Variants in GRM7 observed in about 807,000 individuals in gnomAD.
GRM7 encodes glutamate metabotropic receptor 7.
A neutral mutation model predicts 84.5 loss-of-function variants in GRM7; 35 were observed. That is an observed-to-expected ratio of 0.41 (90% CI 0.32 to 0.55). The LOEUF is 0.55. GRM7 is among the 20% of genes least tolerant of loss of function. The pLI is 0.19. For synonymous variants in GRM7, 487 were observed against 455.1 expected, an observed-to-expected ratio of 1.07 and a Z score of -0.89; for missense variants, 1,003 against 1,194.6, an observed-to-expected ratio of 0.84 and a Z score of 2.36.
At chr3:7,049,650 C>T (rs371439860) in intron 1 of GRM7, among the ~76,000 whole-genome samples, 4 of 151,692 alleles carry the variant, frequency 2.6e-5, no homozygotes, top group South Asian at 2.1e-4. Context: ...GAAAAGCGTT[C>T]GTGAGGAAGG....
intron 1 of GRM7, among the ~76,000 whole-genome samples, chr3:6,972,758 G>A (rs1283520507): frequency 6.6e-6 from 1 of 152,142 alleles, no homozygotes; most frequent in African/African-American, 2.4e-5. Context: ...GTTAGGAAAG[G>A]TAGGTGCCAC....
intron 7 of GRM7, among the ~76,000 whole-genome samples, chr3:7,502,524 AT>A (rs1050635646): frequency 2.0e-5 from 3 of 152,292 alleles, no homozygotes; most frequent in South Asian, 2.1e-4. Context: ...GGCAAAAAAA[AT>A]AAAAGCATAA....
chr3:6,861,697 G>A lies in GRM7; in HGVS notation c.309G>A (p.Ala103=), dbSNP rs765117194. ...TACTGCCCAACGTGACGCTGGGCGC[G>A]CGGATCCTGGACACTTGTTCCAGGG... ...PNLLPNVTLG[A]RILDTCSRDT... is the part of the protein sequence containing the mutation. Residue 103 remains alanine (A), a synonymous_variant, in exon 1 of 10, where the codon GCG becomes GCA. Coordinates refer to ENST00000357716, the MANE Select transcript of GRM7 (RefSeq NM_000844.4). The surrounding 1 kb of genome is among the most constrained non-coding windows in gnomAD (Gnocchi z 6.4). 21 of 1,614,148 alleles carry A rather than the reference G, an allele frequency of 1.3e-5. No individual in the cohort carries two copies. In the South Asian group the frequency reaches 2.1e-4, roughly 16 times the overall value.
intron 4 of GRM7, among the ~76,000 whole-genome samples, chr3:7,399,208 A>G (rs1575277348): frequency 1.3e-5 from 2 of 149,182 alleles, no homozygotes; most frequent in East Asian, 3.9e-4. Context: ...AATAATAATA[A>G]TAATAAAATG....
intron 1 of GRM7, among the ~76,000 whole-genome samples, chr3:6,961,674 C>T (rs1441241336): frequency 1.3e-5 from 2 of 152,140 alleles, no homozygotes; most frequent in Non-Finnish European, 2.9e-5. Flanking sequence ...AAAGAAAACG[C>T]CTTACCTTCC....
chr3:7,204,538 G>A (rs905165784), intron 2 of GRM7, among the ~76,000 whole-genome samples: 3 of 152,240 alleles, frequency 2.0e-5, no homozygotes, highest in African/African-American at 7.2e-5. Flanking sequence ...AGCTCTGGAG[G>A]TTAGGCTGGT....
At chr3:7,270,838 T>A (rs1203034835) in intron 2 of GRM7, among the ~76,000 whole-genome samples, 2 of 152,182 alleles carry the variant, frequency 1.3e-5, no homozygotes, top group African/African-American at 4.8e-5. Context: ...AAGGGAAAAC[T>A]TGAAGAGAAA....
At chr3:7,345,790 G>T (rs1692863558) in intron 4 of GRM7, among the ~76,000 whole-genome samples, 1 of 151,762 alleles carries the variant, frequency 6.6e-6, no homozygotes, top group Non-Finnish European at 1.5e-5. Context: ...CTTGAGACCT[G>T]CAGGAAGCTG....
intron 4 of GRM7, among the ~76,000 whole-genome samples, chr3:7,310,182 C>T (rs1232147025): frequency 1.3e-5 from 2 of 152,112 alleles, no homozygotes; most frequent in Non-Finnish European, 2.9e-5. Context: ...CTTCCATACT[C>T]ATTAACATTA....
intron 1 of GRM7, among the ~76,000 whole-genome samples, chr3:7,107,023 C>A (rs1023246063): frequency 2.6e-5 from 4 of 151,970 alleles, no homozygotes; most frequent in African/African-American, 9.7e-5. Context: ...AAAAAAGATA[C>A]CTTTTTAAAC....
intron 7 of GRM7, among the ~76,000 whole-genome samples, chr3:7,549,362 T>G (rs556742513): frequency 6.6e-6 from 1 of 152,162 alleles, no homozygotes; most frequent in African/African-American, 2.4e-5. Flanking sequence ...TAATATCACA[T>G]AGGCACCTTA....
At chr3:7,402,946 TG>T (rs1214456355) in intron 4 of GRM7, 1 of 155,834 alleles carries the variant, frequency 6.4e-6, no homozygotes, top group Non-Finnish European at 1.4e-5. Flanking sequence ...AATATCATTT[TG>T]GTAAAATTCC....
chr3:7,053,289 A>G (rs1697078888), intron 1 of GRM7, among the ~76,000 whole-genome samples: 3 of 151,210 alleles, frequency 2.0e-5, no homozygotes, highest in Admixed American at 1.3e-4. Context: ...TATTCCCCAT[A>G]TAAATCATTT....
chr3:7,441,429 A>G (rs1017345595), intron 5 of GRM7, among the ~76,000 whole-genome samples: 1 of 151,862 alleles, frequency 6.6e-6, no homozygotes, highest in African/African-American at 2.4e-5. Flanking sequence ...ATTTTCTCCA[A>G]TTTTTTGGGT....
intron 1 of GRM7, among the ~76,000 whole-genome samples, chr3:7,042,505 G>T (rs1415389468): frequency 1.3e-5 from 2 of 149,026 alleles, no homozygotes; most frequent in Admixed American, 6.6e-5. Context: ...CATTCTGTTT[G>T]CTTGTTTTCC....
intron 2 of GRM7, among the ~76,000 whole-genome samples, chr3:7,156,960 A>T (rs1314737145): frequency 6.6e-6 from 1 of 152,182 alleles, no homozygotes; most frequent in African/African-American, 2.4e-5. Context: ...TAAGCAGAAA[A>T]AAAAAAAATC....
At chr3:7,343,761 T>A (rs936087971) in intron 4 of GRM7, among the ~76,000 whole-genome samples, 2 of 152,222 alleles carry the variant, frequency 1.3e-5, no homozygotes, top group African/African-American at 4.8e-5. Context: ...GGCTTGGTTT[T>A]ATGACTGGTG....
At position 7,572,856 on chromosome 3, in the gene GRM7, AT is replaced by A. The variant is rs1559411864; in HGVS notation, c.1516-5565del. ...TATATATATATATATATATATATAT[AT>A]ATATATATATATATATATATATAAA... On this transcript the variant is annotated intron_variant, in intron 7 of 9. Coordinates refer to ENST00000357716, the MANE Select transcript of GRM7 (RefSeq NM_000844.4). Among the ~76,000 whole-genome samples the A allele has an allele frequency of 8.5e-4, 61 of 71,570 alleles. 6 individuals carry two copies. The highest frequency in any genetic ancestry group is 2.5e-3 in the African/African-American group (42 of 16,526). 47.0% of individuals were successfully genotyped at this position (71,570 alleles called of 152,430 possible).
intron 4 of GRM7, among the ~76,000 whole-genome samples, chr3:7,356,850 A>C (rs1693428463): frequency 1.3e-5 from 2 of 150,538 alleles, no homozygotes; most frequent in Admixed American, 1.3e-4. Context: ...TGACTTTCCC[A>C]AAACCACCCT....
Sources: gnomAD v4.1 joint callset for allele counts (sites outside exome capture counted in the v4.1 genomes callset) on GRCh38, gnomAD v4.1.1 for gene constraint, Gnocchi (gnomAD v3.1) non-coding constraint, MANE v1.5 for transcripts, NCBI Gene and HGNC (gene_info 2026-07-23, HGNC 2026-07-21) for gene names.